The following PHLPP1 variants were observed in gnomAD, a reference collection of about 807,000 sequenced individuals.
PHLPP1 encodes the protein PH domain and leucine rich repeat protein phosphatase 1, also known as PH domain leucine-rich repeat-containing protein phosphatase 1.
A neutral mutation model predicts 117.2 loss-of-function variants in PHLPP1; 42 were observed. That is an observed-to-expected ratio of 0.36 (90% CI 0.28 to 0.46). The LOEUF (loss-of-function observed/expected upper bound fraction) is 0.46, where lower values mean the gene tolerates loss of function less well. PHLPP1 is among the 20% of genes least tolerant of loss of function. PHLPP1 has a pLI of 1.00. For synonymous variants in PHLPP1, 1,042 were observed against 970.7 expected, an observed-to-expected ratio of 1.07 and a Z score of -1.37; for missense variants, 2,084 against 2,241.9, an observed-to-expected ratio of 0.93 and a Z score of 1.42.
intron 1 of PHLPP1, among the ~76,000 whole-genome samples, chr18:62,749,202 T>G (rs1444529797): frequency 7.2e-5 from 11 of 151,968 alleles, no homozygotes; most frequent in Admixed American, 7.2e-4. Flanking sequence ...CCCAAAGGCT[T>G]GCTGGTATTC....
chr18:62,976,210 C>T (rs1182306308), intron 16 of PHLPP1, among the ~76,000 whole-genome samples: 1 of 152,166 alleles, frequency 6.6e-6, no homozygotes, highest in Non-Finnish European at 1.5e-5. Flanking sequence ...TTGGTCATCA[C>T]AGCTGGGGCG....
At chr18:62,860,800 G>T (rs1915613476) in intron 4 of PHLPP1, among the ~76,000 whole-genome samples, 199 bp downstream of exon 4, 1 of 152,060 alleles carries the variant, frequency 6.6e-6, no homozygotes, top group African/African-American at 2.4e-5. Context: ...TCTTGCTTTT[G>T]AAACTAATGA....
At chr18:62,948,843 G>A (rs1304312559) in intron 12 of PHLPP1, among the ~76,000 whole-genome samples, 2 of 151,972 alleles carry the variant, frequency 1.3e-5, no homozygotes, top group Admixed American at 1.3e-4. Flanking sequence ...TGTCATATGA[G>A]AATATTTTAA....
At chr18:62,949,800 G>T (rs1413564524) in intron 12 of PHLPP1, among the ~76,000 whole-genome samples, 4 of 152,160 alleles carry the variant, frequency 2.6e-5, no homozygotes, top group African/African-American at 4.8e-5. Flanking sequence ...GGTTTGGCTG[G>T]ACCTGGACCT....
intron 1 of PHLPP1, among the ~76,000 whole-genome samples, chr18:62,815,848 C>T (rs1356325185): frequency 6.6e-6 from 1 of 152,174 alleles, no homozygotes; most frequent in South Asian, 2.1e-4. Context: ...TAAATTTGTG[C>T]TACCCTTTTC....
Position 62,941,808 on chromosome 18 carries a change from G to T in PHLPP1, c.3051G>T (p.Leu1017Phe). The T allele has an allele frequency of 6.2e-7, 1 of 1,613,970 alleles. No individual in the cohort carries two copies. The highest frequency in any genetic ancestry group is 2.2e-5 in the East Asian group (1 of 44,888). Residue 1017 changes from leucine (L) to phenylalanine (F), a missense_variant, in exon 11 of 17, where the codon TTG (leucine) becomes TTT (phenylalanine). By Grantham distance (22) the Leu-to-Phe change is conservative (BLOSUM62 0). Around this residue, in one of 2 missense-constraint regions of PHLPP1, gnomAD observed 1,365 missense variants for 1,605.9 expected, o/e 0.85. Coordinates refer to ENST00000262719, the MANE Select transcript of PHLPP1 (RefSeq NM_194449.4). ...SEETNSILQE[L>F]YLTNNSLTDK... ...AGACAAACAGTATCTTACAAGAGTT[G>T]TATTTGACAAATAACAGCCTCACAG...
intron 1 of PHLPP1, among the ~76,000 whole-genome samples, chr18:62,736,931 A>G (rs1381423754): frequency 6.6e-6 from 1 of 152,252 alleles, no homozygotes; most frequent in Non-Finnish European, 1.5e-5. Flanking sequence ...AGCTATGGCT[A>G]TCAGACAGAA....
chr18:62,920,875 A>G (rs1318600144), intron 10 of PHLPP1, among the ~76,000 whole-genome samples: 1 of 152,150 alleles, frequency 6.6e-6, no homozygotes, highest in Non-Finnish European at 1.5e-5. Context: ...TTGTTTTTTA[A>G]ACAGTCCTTC....
chr18:62,918,926 C>T (rs1269747167), intron 9 of PHLPP1, among the ~76,000 whole-genome samples: 16 of 151,254 alleles, frequency 1.1e-4, no homozygotes, highest in Admixed American at 9.9e-4. Context: ...ACAATGTATA[C>T]GTATATTAAA....
chr18:62,809,706 A>C (rs1177049575), intron 1 of PHLPP1, among the ~76,000 whole-genome samples: 1 of 152,196 alleles, frequency 6.6e-6, no homozygotes, highest in Admixed American at 6.5e-5. Flanking sequence ...ATCTCAAAAA[A>C]AAAAAAGTCA....
chr18:62,925,330 T>A (rs1394534888), intron 10 of PHLPP1, among the ~76,000 whole-genome samples: 4 of 152,150 alleles, frequency 2.6e-5, no homozygotes, highest in African/African-American at 9.7e-5. Flanking sequence ...TAAAGGGGAG[T>A]TATAGGTCCC....
intron 14 of PHLPP1, among the ~76,000 whole-genome samples, chr18:62,967,070 T>A (rs576219411): frequency 2.0e-5 from 3 of 152,250 alleles, no homozygotes; most frequent in Non-Finnish European, 4.4e-5. Context: ...TTTTCATTGC[T>A]TTTTATTGCT....
intron 1 of PHLPP1, among the ~76,000 whole-genome samples, chr18:62,826,923 C>T (rs1007419897): frequency 1.3e-5 from 2 of 152,068 alleles, no homozygotes; most frequent in Admixed American, 6.5e-5. Flanking sequence ...TCAATTGAAC[C>T]TGGGAGGCGG....
intron 9 of PHLPP1, among the ~76,000 whole-genome samples, chr18:62,916,174 G>T (rs535440108): frequency 6.6e-6 from 1 of 152,124 alleles, no homozygotes; most frequent in Non-Finnish European, 1.5e-5. Context: ...CCAAGTGACT[G>T]TTGAGCACCT....
At chr18:62,793,070 G>A (rs554787963) in intron 1 of PHLPP1, among the ~76,000 whole-genome samples, 132 of 152,206 alleles carry the variant, frequency 8.7e-4, no homozygotes, top group Admixed American at 2.9e-3. Flanking sequence ...AGCAACTTGG[G>A]AGGCTGAGGT....
intron 4 of PHLPP1, among the ~76,000 whole-genome samples, chr18:62,862,651 G>A (rs1915661704): frequency 6.6e-6 from 1 of 152,068 alleles, no homozygotes; most frequent in South Asian, 2.1e-4. Flanking sequence ...GACTGGTTTG[G>A]CCCACAGCTC....
intron 4 of PHLPP1, among the ~76,000 whole-genome samples, chr18:62,882,825 T>C (rs1359931693): frequency 1.3e-5 from 2 of 152,018 alleles, no homozygotes; most frequent in Non-Finnish European, 2.9e-5. Context: ...TGGAAAAGCA[T>C]TAAGCTTTCT....
At chr18:62,834,589 G>C (rs1914841068) in intron 2 of PHLPP1, among the ~76,000 whole-genome samples, 1 of 152,144 alleles carries the variant, frequency 6.6e-6, no homozygotes, top group African/African-American at 2.4e-5. Context: ...ATGATACCAA[G>C]TTGTTTTTCA....
chr18:62,812,382 A>G (rs560664251), intron 1 of PHLPP1, among the ~76,000 whole-genome samples: 1 of 152,336 alleles, frequency 6.6e-6, no homozygotes, highest in African/African-American at 2.4e-5. Context: ...GTCTAGCGTC[A>G]TCATCCTGAT....
Sources: allele counts gnomAD v4.1 joint callset (sites outside exome capture counted in the v4.1 genomes callset), GRCh38; gene constraint gnomAD v4.1.1; regional missense constraint gnomAD v4.1.1; transcripts MANE v1.5; gene names NCBI Gene and HGNC (gene_info 2026-07-23, HGNC 2026-07-21).